Variants in DNAH17 observed in about 807,000 individuals in gnomAD.
The protein encoded by DNAH17 is dynein axonemal heavy chain 17.
A neutral mutation model predicts 485.6 loss-of-function variants in DNAH17; 376 were observed. The ratio of observed to expected loss-of-function variants is 0.77; its 90% confidence interval spans 0.71 to 0.84. The LOEUF is 0.84. Among genes scored for constraint, DNAH17 ranks in the 40% least tolerant of loss-of-function variants. The probability of loss-of-function intolerance (pLI) is 0.00; values close to 1 mark genes in which losing one functional copy is unlikely to be tolerated. For missense variants in DNAH17, 6,370 were observed against 5,839.3 expected (o/e 1.09, Z -2.96); for synonymous variants, 3,031 against 2,405.9 (o/e 1.26, Z -7.60).
intron 48 of DNAH17, among the ~76,000 whole-genome samples, chr17:78,482,830 C>T (rs1169444199): frequency 1.3e-5 from 2 of 152,186 alleles, no homozygotes; most frequent in African/African-American, 4.8e-5. Flanking sequence ...CACTCTGCCA[C>T]CCCTCCTGAA....
In DNAH17 at chr17:78,566,689, T is replaced by C. The variant is rs375211657; in HGVS notation, c.1494A>G (p.Gln498=). 2.5e-6 allele frequency: 4 copies of C among 1,609,984 alleles called. No individual in the cohort carries two copies. The highest frequency in any genetic ancestry group is 3.4e-6 in the Non-Finnish European group (4 of 1,178,140). Reference sequence around the variant, plus strand: ...TCGTGGCCAGCCTCCTATCCAGGTCTTGGATTTTGATCTCAAAATCAGCAT... The same window carrying C: ...TCGTGGCCAGCCTCCTATCCAGGTCCTGGATTTTGATCTCAAAATCAGCAT... ...RDYADFEIKI[Q]DLDRRLATIF... is the part of the protein sequence containing the mutation. The change falls in exon 11 of 81, where the codon CAA becomes CAG. Residue 498 remains glutamine (Q), a synonymous_variant. Coordinates refer to ENST00000389840, the MANE Select transcript of DNAH17 (RefSeq NM_173628.4).
intron 36 of DNAH17, 65 bp downstream of exon 36, chr17:78,500,240 G>T: frequency 6.7e-7 from 1 of 1,502,868 alleles, no homozygotes; most frequent in Non-Finnish European, 8.9e-7. Flanking sequence ...TCGGAGGACA[G>T]GGTGCTAGGA....
intron 75 of DNAH17, among the ~76,000 whole-genome samples, chr17:78,433,349 C>T (rs74505360): frequency 0.013 from 1,993 of 152,284 alleles, 49 homozygotes; most frequent in African/African-American, 0.045. Flanking sequence ...CCCCCTCCAG[C>T]GAATAGCAGG....
At position 78,543,949 on chromosome 17, in the gene DNAH17, CCTCT is replaced by C. The variant is rs2091678230; in HGVS notation, c.2436_2439del (p.Glu813ProfsTer3). ...ATTCTTCCATCCAAGTCTAACAGGG[CCTCT>C]TTCTTATTGTCCTTTCTTTCAAACA... On this transcript the variant is annotated frameshift_variant, in exon 17 of 81. Transcript: ENST00000389840. LOFTEE classifies it high-confidence loss of function. 6 of 1,614,008 alleles carry C rather than the reference CCTCT, an allele frequency of 3.7e-6. No homozygotes were observed. Among genetic ancestry groups the C allele is most frequent in the Non-Finnish European group, 5.1e-6 (6 of 1,179,888 alleles).
rs751314622 is a variant in DNAH17, at chr17:78,514,979, T to C, written c.3908A>G (p.Asp1303Gly). 5.6e-6 allele frequency: 9 copies of C among 1,614,036 alleles called. No individual in the cohort carries two copies. The highest frequency in any genetic ancestry group is 5.5e-5 in the South Asian group (5 of 91,090). ...IEDWKTTKWK[D>G]INVEQMDIDC... is the part of the protein sequence containing the mutation. ...TATGTCCATCTGCTCAACGTTGATATCTTTCCACTTGGTGGTCTTCCAGTC... is the reference window on the plus strand; with the variant it reads ...TATGTCCATCTGCTCAACGTTGATACCTTTCCACTTGGTGGTCTTCCAGTC... Residue 1303 changes from aspartate (D) to glycine (G), a missense_variant, in exon 26 of 81, where the codon GAT becomes GGT. Asp to Gly is a moderately conservative substitution (Grantham distance 94, BLOSUM62 -1). Coordinates refer to ENST00000389840, the MANE Select transcript of DNAH17 (RefSeq NM_173628.4).
chr17:78,521,406 C>A (rs2090930344), intron 25 of DNAH17, among the ~76,000 whole-genome samples: 2 of 151,862 alleles, frequency 1.3e-5, no homozygotes, highest in Non-Finnish European at 2.9e-5. Flanking sequence ...CACTCCATCT[C>A]AAAGAAAAAA....
chr17:78,433,963 A>AGGAGGGAGGGAAGGAGGGAGGGAC, intron 75 of DNAH17, 66 bp downstream of exon 75: 8 of 1,254,202 alleles, frequency 6.4e-6, no homozygotes, highest in Non-Finnish European at 5.4e-6. Flanking sequence ...GAGGGAGGGA[A>AGGAGGGAGGGAAGGAGGGAGGGAC]GGAGGGAGGG....
intron 49 of DNAH17, 53 bp downstream of exon 49, chr17:78,480,631 A>G: frequency 6.7e-7 from 1 of 1,490,206 alleles, no homozygotes. Context: ...ATTTGCCAGA[A>G]GCAAGCCTCA....
Position 78,505,304 on chromosome 17 carries a change from G to T in DNAH17, c.4945C>A (p.Leu1649Ile). 6.2e-7 allele frequency: 1 copy of T among 1,613,920 alleles called. No homozygotes were observed. The highest frequency in any genetic ancestry group is 8.5e-7 in the Non-Finnish European group (1 of 1,179,860). The change falls in exon 31 of 81, where the codon CTC becomes ATC. Residue 1649 changes from leucine to isoleucine, a missense_variant. By Grantham distance (5) the Leu-to-Ile change is conservative (BLOSUM62 2). Transcript: ENST00000389840. ...EYMVFDQECDLSGQVEVWLNR... is the reference protein window; with the variant it reads ...EYMVFDQECDISGQVEVWLNR... ...GCGCACACACTCACCTGCCCCGAGA[G>T]GTCGCATTCCTGATCAAAAACCATG... is the stretch of plus-strand genomic sequence containing the variant.
intron 41 of DNAH17, 49 bp downstream of exon 41, chr17:78,493,987 T>TC (rs1480826129): frequency 1.9e-6 from 3 of 1,577,304 alleles, no homozygotes; most frequent in East Asian, 4.6e-5. Flanking sequence ...GCCCCAGCCC[T>TC]CCCCCACCAT....
chr17:78,551,376 C>T (rs1195501554), intron 16 of DNAH17, among the ~76,000 whole-genome samples, 159 bp downstream of exon 16: 1 of 152,216 alleles, frequency 6.6e-6, no homozygotes, highest in Non-Finnish European at 1.5e-5. Context: ...GCCCTGGGAC[C>T]ACTCTGATAT....
rs1296816083 is a variant in DNAH17, at chr17:78,494,176, G to T, written c.6271-3C>A. On this transcript the variant is annotated splice_polypyrimidine_tract_variant and splice_region_variant and intron_variant, in intron 40 of 80. Coordinates refer to ENST00000389840, the MANE Select transcript of DNAH17 (RefSeq NM_173628.4). ...TCCACGATGCTCTGCTTGATGATCT[G>T]GGGAGACATGGATGAGGCTGGGTGA... The T allele has an allele frequency of 4.4e-6, 7 of 1,608,138 alleles. No individual in the cohort carries two copies. In the South Asian group the frequency reaches 7.7e-5, roughly 18 times the overall value.
intron 13 of DNAH17, among the ~76,000 whole-genome samples, chr17:78,559,934 G>A (rs898406356): frequency 5.9e-5 from 9 of 152,044 alleles, no homozygotes; most frequent in South Asian, 2.1e-4. Context: ...TCTGCTCAGC[G>A]GCACTCTGAC....
intron 78 of DNAH17, 67 bp downstream of exon 78, chr17:78,426,859 G>C: frequency 6.5e-7 from 1 of 1,541,358 alleles, no homozygotes; most frequent in Non-Finnish European, 8.8e-7. Flanking sequence ...TGGGTTGCCA[G>C]AGGCCTGGGT....
chr17:78,453,529 T>G, intron 64 of DNAH17, 64 bp from the exon 65 acceptor site: 1 of 1,592,942 alleles, frequency 6.3e-7, no homozygotes, highest in Admixed American at 1.7e-5. Flanking sequence ...GTGCGCACGC[T>G]CCGACCAGCA....
chr17:78,497,775 A>G (rs1297891411), intron 37 of DNAH17, among the ~76,000 whole-genome samples: 1 of 152,200 alleles, frequency 6.6e-6, no homozygotes, highest in Non-Finnish European at 1.5e-5. Context: ...ACACCGCCTT[A>G]CAGGTTAGAA....
intron 48 of DNAH17, among the ~76,000 whole-genome samples, chr17:78,484,588 G>A (rs61421148): frequency 0.015 from 2,218 of 152,204 alleles, 52 homozygotes; most frequent in African/African-American, 0.05. Flanking sequence ...CCCCTCCGCG[G>A]GGGCTCTAGG....
At chr17:78,539,630 A>C in intron 18 of DNAH17, 107 bp downstream of exon 18, 1 of 1,001,534 alleles carries the variant, frequency 1.0e-6, no homozygotes, top group Non-Finnish European at 1.4e-6. Flanking sequence ...TATTTTAATA[A>C]GTCTATTTAT....
In DNAH17 at chr17:78,543,901, C is replaced by T. The variant is rs142231211; in HGVS notation, c.2488G>A (p.Ala830Thr). 2.7e-5 allele frequency: 43 copies of T among 1,613,932 alleles called. No homozygotes were observed. Among genetic ancestry groups the T allele is most frequent in the Middle Eastern group, 1.6e-4 (1 of 6,084 alleles). Reference protein sequence around the residue: ...GRIANLNKRYAAVRDAGVKIQ... With the variant: ...GRIANLNKRYTAVRDAGVKIQ... ...TTCACTCCAGCATCCCTGACTGCTG[C>T]GTAGCGCTTGTTGAGGTTGGCAATT... The change falls in exon 17 of 81, where the codon GCA (alanine) becomes ACA (threonine). Residue 830 changes from alanine (A) to threonine (T), a missense_variant. Transcript: ENST00000389840.
Sources: gnomAD v4.1 joint callset for allele counts (sites outside exome capture counted in the v4.1 genomes callset) on GRCh38, gnomAD v4.1.1 for gene constraint, MANE v1.5 for transcripts, NCBI Gene and HGNC (gene_info 2026-07-23, HGNC 2026-07-21) for gene names.